SGK1: variants seen among roughly 807,000 people sequenced by gnomAD.
The protein encoded by SGK1 is serum/glucocorticoid regulated kinase 1, also known as serine/threonine-protein kinase Sgk1.
SGK1 carries 26 observed loss-of-function variants against 64.2 expected under a neutral mutation model. The observed-to-expected ratio is 0.40, with a 90% CI of 0.30 to 0.56. The LOEUF is 0.56. Ranked by LOEUF, SGK1 falls within the 20% of genes least tolerant of loss-of-function variation. SGK1 has a pLI of 0.38. For missense variants in SGK1, 519 were observed against 645.6 expected, an observed-to-expected ratio of 0.80 and a Z score of 2.12; for synonymous variants, 265 against 239.7, an observed-to-expected ratio of 1.11 and a Z score of -0.98.
intron 1 of SGK1, chr6:134,298,035 C>T: frequency 1.0e-6 from 1 of 981,618 alleles, no homozygotes; most frequent in Non-Finnish European, 1.6e-6. Context: ...CCGATCTCTT[C>T]ATACAGCTGC....
At chr6:134,235,902 C>G (rs1041965693) in intron 2 of SGK1, among the ~76,000 whole-genome samples, 1 of 152,018 alleles carries the variant, frequency 6.6e-6, no homozygotes, top group Non-Finnish European at 1.5e-5. Flanking sequence ...GGAACAAGAT[C>G]AAGCATTAAA....
chr6:134,281,764 G>A (rs896025562), intron 1 of SGK1, among the ~76,000 whole-genome samples: 2 of 151,984 alleles, frequency 1.3e-5, no homozygotes, highest in African/African-American at 4.8e-5. Context: ...TGATCCTCCC[G>A]TCTCGGCCTC....
At chr6:134,273,871 C>T (rs1284214890) in intron 1 of SGK1, among the ~76,000 whole-genome samples, 1 of 152,072 alleles carries the variant, frequency 6.6e-6, no homozygotes, top group Non-Finnish European at 1.5e-5. Context: ...GTTGCCCAGG[C>T]TGATCTTGAC....
chr6:134,174,623 A>G (rs1775153585), intron 3 of SGK1, 37 bp from the exon 4 acceptor site: 1 of 1,607,760 alleles, frequency 6.2e-7, no homozygotes, highest in Non-Finnish European at 8.5e-7. Context: ...AAACGTTTAG[A>G]CGGCTTCATA....
At chr6:134,268,620 G>C (rs1286405153) in intron 1 of SGK1, among the ~76,000 whole-genome samples, 2 of 145,110 alleles carry the variant, frequency 1.4e-5, no homozygotes, top group African/African-American at 4.9e-5. Flanking sequence ...CTACTCGGGA[G>C]GCTGAGGCAG....
intron 1 of SGK1, among the ~76,000 whole-genome samples, chr6:134,296,378 C>T (rs1265200371): frequency 6.6e-6 from 1 of 152,126 alleles, no homozygotes; most frequent in Non-Finnish European, 1.5e-5. Context: ...TTCAAGCAAT[C>T]CTCTCACTTC....
At chr6:134,182,465 C>A in intron 3 of SGK1, among the ~76,000 whole-genome samples, 1 of 151,170 alleles carries the variant, frequency 6.6e-6, no homozygotes, top group Non-Finnish European at 1.5e-5. Flanking sequence ...CACTGCACTC[C>A]AGCCCGGGCA....
At chr6:134,258,898 C>G (rs1763507) in intron 2 of SGK1, among the ~76,000 whole-genome samples, 150,164 of 152,278 alleles carry the variant, frequency 0.99, 74,046 homozygotes, top group East Asian at 1. Flanking sequence ...TGAGGTGGGA[C>G]CACTGCTTGA....
intron 1 of SGK1, among the ~76,000 whole-genome samples, chr6:134,311,836 C>T (rs996179802): frequency 1.3e-5 from 2 of 152,086 alleles, no homozygotes; most frequent in Admixed American, 1.3e-4. Flanking sequence ...GAGTCTCCGC[C>T]GTGTTCCGGG....
At chr6:134,181,656 C>G (rs1775333296) in intron 3 of SGK1, among the ~76,000 whole-genome samples, 1 of 151,528 alleles carries the variant, frequency 6.6e-6, no homozygotes, top group Non-Finnish European at 1.5e-5. Flanking sequence ...AAGTCTCTCC[C>G]ATTTCTGAGC....
At chr6:134,175,030 T>C (rs979619099) in intron 3 of SGK1, 13 of 807,936 alleles carry the variant, frequency 1.6e-5, no homozygotes, top group African/African-American at 9.2e-5. Context: ...TCTGTCCCCA[T>C]TGAGAGGGCG....
At chr6:134,302,371 A>G (rs564592706) in intron 1 of SGK1, among the ~76,000 whole-genome samples, 2 of 152,364 alleles carry the variant, frequency 1.3e-5, no homozygotes, top group African/African-American at 4.8e-5. Context: ...TGCTCCAGGG[A>G]CAACTATCTA....
At chr6:134,304,510 G>A (rs565596992) in intron 1 of SGK1, among the ~76,000 whole-genome samples, 2 of 152,222 alleles carry the variant, frequency 1.3e-5, no homozygotes, top group South Asian at 2.1e-4. Flanking sequence ...AAGTTAGCCG[G>A]GTGTGGTGGC....
chr6:134,170,381 G>T lies in SGK1; in HGVS notation c.1468C>A (p.Pro490Thr). 1.2e-6 allele frequency: 2 copies of T among 1,614,058 alleles called. No homozygotes were observed. Among genetic ancestry groups the T allele is most frequent in the Non-Finnish European group, 1.7e-6 (2 of 1,179,948 alleles). ...TCAGGGGACTTGCCAATGGAGTTGG[G>T]GACAGGCTCTTCGGTAAACTCGGGG... ...FDPEFTEEPV[P>T]NSIGKSPDSV... is the part of the protein sequence containing the mutation. The change falls in exon 14 of 14, where the codon CCC becomes ACC. Residue 490 changes from proline to threonine, a missense_variant. By Grantham distance (38) the Pro-to-Thr change is conservative. Transcript: ENST00000367858.
chr6:134,185,713 C>T (rs1178079878), intron 3 of SGK1, among the ~76,000 whole-genome samples: 1 of 151,990 alleles, frequency 6.6e-6, no homozygotes, highest in Non-Finnish European at 1.5e-5. Context: ...ATTATGAAAG[C>T]TGAGAAATCC....
intron 3 of SGK1, chr6:134,175,643 C>T (rs892741793): frequency 1.3e-6 from 2 of 1,526,802 alleles, no homozygotes; most frequent in East Asian, 2.6e-5. Context: ...CTGGCCAGCG[C>T]GCCCTGCATC....
chr6:134,258,643 TC>T (rs1776719210), intron 2 of SGK1, among the ~76,000 whole-genome samples: 1 of 152,086 alleles, frequency 6.6e-6, no homozygotes, highest in Non-Finnish European at 1.5e-5. Context: ...AGGCAGAGAT[TC>T]TAGTAAGCCG....
intron 2 of SGK1, among the ~76,000 whole-genome samples, chr6:134,236,697 G>A (rs750463803): frequency 2.6e-5 from 4 of 152,116 alleles, no homozygotes; most frequent in Non-Finnish European, 5.9e-5. Context: ...ATTAAGGGAT[G>A]ACTAATTTGG....
chr6:134,177,866 C>G, intron 3 of SGK1: 2 of 1,569,840 alleles, frequency 1.3e-6, no homozygotes, highest in Non-Finnish European at 1.7e-6. Flanking sequence ...TGTTATGAAC[C>G]CCACTTTATA....
Sources: gnomAD v4.1 joint callset for allele counts (sites outside exome capture counted in the v4.1 genomes callset) on GRCh38, gnomAD v4.1.1 for gene constraint, MANE v1.5 for transcripts, NCBI Gene and HGNC (gene_info 2026-07-23, HGNC 2026-07-21) for gene names.